The following YAP1 variants were observed in gnomAD, a reference collection of about 807,000 sequenced individuals.
YAP1 encodes Yes1 associated transcriptional regulator.
A neutral mutation model predicts 56.9 loss-of-function variants in YAP1; 5 were observed. The observed-to-expected ratio is 0.09, with a 90% CI of 0.05 to 0.18. The LOEUF is 0.18. Ranked by LOEUF, YAP1 falls within the 10% of genes least tolerant of loss-of-function variation. YAP1 has a pLI of 1.00. For synonymous variants in YAP1, 265 were observed against 248.1 expected, an observed-to-expected ratio of 1.07 and a Z score of -0.64; for missense variants, 539 against 651.8, an observed-to-expected ratio of 0.83 and a Z score of 1.88.
At chr11:102,203,427 G>A (rs1948975391) in intron 4 of YAP1, among the ~76,000 whole-genome samples, 1 of 152,156 alleles carries the variant, frequency 6.6e-6, no homozygotes, top group South Asian at 2.1e-4. Context: ...TTTTGATAGT[G>A]TAATCATGGT....
chr11:102,111,740 A>G (rs1330072086), intron 1 of YAP1, among the ~76,000 whole-genome samples: 8 of 151,980 alleles, frequency 5.3e-5, no homozygotes, highest in African/African-American at 1.7e-4. Flanking sequence ...GAGTCAAATA[A>G]TTGTTCTCTT....
At chr11:102,158,836 C>A (rs913973821) in intron 2 of YAP1, among the ~76,000 whole-genome samples, 4 of 152,114 alleles carry the variant, frequency 2.6e-5, no homozygotes, top group African/African-American at 9.7e-5. Flanking sequence ...TTATGTTGTT[C>A]AGTGTTCCTT....
chr11:102,205,943 C>T lies in YAP1; in HGVS notation c.853C>T (p.Leu285=), dbSNP rs1281278402. Residue 285 remains leucine (L), a synonymous_variant, in exon 5 of 9, where the codon CTG becomes TTG. Coordinates refer to ENST00000282441, the MANE Select transcript of YAP1 (RefSeq NM_001130145.3). Reference sequence around the variant, plus strand: ...TGCTCCAGTGAAACAGCCACCACCCCTGGCTCCCCAGAGCCCACAGGGAGG... The same window carrying T: ...TGCTCCAGTGAAACAGCCACCACCCTTGGCTCCCCAGAGCCCACAGGGAGG... ...QSAPVKQPPP[L]APQSPQGGVM... 1 of 1,611,314 alleles carries T rather than the reference C, an allele frequency of 6.2e-7. No homozygotes were observed. Among genetic ancestry groups the T allele is most frequent in the East Asian group, 2.2e-5 (1 of 44,804 alleles).
rs1950371459 is a variant in YAP1 at position 102,229,743 on chromosome 11, C to T, written c.1318C>T (p.Arg440Cys). The change falls in exon 9 of 9, where the codon CGT becomes TGT. Residue 440 changes from arginine (R) to cysteine (C), a missense_variant. Transcript: ENST00000282441. ...AAGCACCCTGCCCTCACAGCAGAAC[C>T]GTTTCCCAGACTACCTTGAAGCCAT... Reference protein sequence around the residue: ...NQSTLPSQQNRFPDYLEAIPG... With the variant: ...NQSTLPSQQNCFPDYLEAIPG... The T allele has an allele frequency of 2.5e-6, 4 of 1,614,034 alleles. No homozygotes were observed. In the South Asian group the frequency reaches 3.3e-5, roughly 13 times the overall value.
chr11:102,119,994 T>C (rs1317086945), intron 2 of YAP1, among the ~76,000 whole-genome samples: 1 of 152,182 alleles, frequency 6.6e-6, no homozygotes, highest in Admixed American at 6.5e-5. Context: ...TGAGTAGCAT[T>C]GTATAAAGGG....
rs1273806304 is a variant in YAP1 at position 102,223,724 on chromosome 11, A to T, written c.1135A>T (p.Thr379Ser). Residue 379 changes from threonine to serine, a missense_variant, in exon 7 of 9, where the codon ACC (threonine) becomes TCC (serine). Coordinates refer to ENST00000282441, the MANE Select transcript of YAP1 (RefSeq NM_001130145.3). ...GTCTCAGGAATTGAGAACAATGACG[A>T]CCAATAGCTCAGATCCTTTCCTTAA... ...GMSQELRTMT[T>S]NSSDPFLNSG... is the part of the protein sequence containing the mutation. 6.2e-7 allele frequency: 1 copy of T among 1,614,156 alleles called. No individual in the cohort carries two copies. The highest frequency in any genetic ancestry group is 1.7e-5 in the Admixed American group (1 of 60,026).
chr11:102,215,307 C>G (rs1949606042), intron 6 of YAP1, among the ~76,000 whole-genome samples: 1 of 152,124 alleles, frequency 6.6e-6, no homozygotes, highest in Non-Finnish European at 1.5e-5. Flanking sequence ...CTAAGTTAAT[C>G]TTCCTTAAAC....
intron 6 of YAP1, among the ~76,000 whole-genome samples, chr11:102,217,100 T>C (rs1190339961): frequency 3.3e-5 from 5 of 152,190 alleles, no homozygotes; most frequent in Non-Finnish European, 7.3e-5. Flanking sequence ...TTTGCCTGCT[T>C]TATTTAGTGG....
intron 2 of YAP1, among the ~76,000 whole-genome samples, chr11:102,160,215 G>T (rs984657085): frequency 6.6e-6 from 1 of 151,644 alleles, no homozygotes; most frequent in South Asian, 2.1e-4. Flanking sequence ...TAAAGACAGG[G>T]TTCTTCCATG....
intron 2 of YAP1, among the ~76,000 whole-genome samples, chr11:102,122,517 A>G (rs1042129863): frequency 1.3e-5 from 2 of 152,184 alleles, no homozygotes; most frequent in African/African-American, 4.8e-5. Flanking sequence ...GCCTGTGTGT[A>G]AACGTATATT....
At position 102,170,591 on chromosome 11, in the gene YAP1, T is replaced by G. The variant is rs537510012; in HGVS notation, c.688+8020T>G. Reference sequence around the variant, plus strand: ...TTGACCTGATCTTAGAGCACAGATATCAAATATTTTAAAAAATTTACTAGA... The same window carrying G: ...TTGACCTGATCTTAGAGCACAGATAGCAAATATTTTAAAAAATTTACTAGA... On this transcript the variant is annotated intron_variant, in intron 3 of 8. Coordinates refer to ENST00000282441, the MANE Select transcript of YAP1 (RefSeq NM_001130145.3). Among the ~76,000 whole-genome samples, 4 of 152,322 alleles carry G rather than the reference T, an allele frequency of 2.6e-5. No homozygotes were observed. In the East Asian group the frequency reaches 7.7e-4, roughly 29 times the overall value.
chr11:102,136,362 T>A (rs1402395396), intron 2 of YAP1, among the ~76,000 whole-genome samples: 66 of 151,188 alleles, frequency 4.4e-4, no homozygotes, highest in Admixed American at 4.3e-3. Flanking sequence ...TTTTTTTTTT[T>A]AAAACAGGGT....
intron 3 of YAP1, among the ~76,000 whole-genome samples, chr11:102,170,674 A>C (rs1247895396): frequency 6.6e-6 from 1 of 152,184 alleles, no homozygotes. Flanking sequence ...AATGTTATTA[A>C]GATTTTAAGG....
chr11:102,197,754 T>G (rs1054278020), intron 4 of YAP1, among the ~76,000 whole-genome samples: 4 of 152,200 alleles, frequency 2.6e-5, no homozygotes, highest in Non-Finnish European at 5.9e-5. Flanking sequence ...TTTTGGAAAT[T>G]TTATTAAAAC....
chr11:102,111,584 C>T (rs1379875640), intron 1 of YAP1, among the ~76,000 whole-genome samples: 3 of 149,534 alleles, frequency 2.0e-5, no homozygotes, highest in Non-Finnish European at 4.5e-5. Context: ...TCCGCACCTT[C>T]GCTCCCGCCG....
intron 3 of YAP1, among the ~76,000 whole-genome samples, chr11:102,178,787 T>C (rs1181569999): frequency 6.6e-6 from 1 of 152,122 alleles, no homozygotes. Context: ...TGAAACTGAG[T>C]AATTTATAAA....
intron 4 of YAP1, among the ~76,000 whole-genome samples, chr11:102,187,199 T>G (rs1948013752): frequency 6.6e-6 from 1 of 152,178 alleles, no homozygotes; most frequent in Non-Finnish European, 1.5e-5. Flanking sequence ...GAGCAGTTAT[T>G]TTGTGTCTTA....
chr11:102,127,197 A>G (rs1221625184), intron 2 of YAP1, among the ~76,000 whole-genome samples: 1 of 152,240 alleles, frequency 6.6e-6, no homozygotes, highest in Non-Finnish European at 1.5e-5. Flanking sequence ...ATAAGTAGCA[A>G]GGAGCCTAAT....
At chr11:102,123,254 C>T (rs542578729) in intron 2 of YAP1, among the ~76,000 whole-genome samples, 12 of 151,982 alleles carry the variant, frequency 7.9e-5, no homozygotes, top group Non-Finnish European at 8.8e-5. Flanking sequence ...TTGTTTTTGC[C>T]GTGATTTTTT....
Sources: gnomAD v4.1 joint callset for allele counts (sites outside exome capture counted in the v4.1 genomes callset) on GRCh38, gnomAD v4.1.1 for gene constraint, MANE v1.5 for transcripts, NCBI Gene and HGNC (gene_info 2026-07-23, HGNC 2026-07-21) for gene names.